LDLRAD3: variants seen among roughly 807,000 people sequenced by gnomAD.
LDLRAD3 encodes the protein low-density lipoprotein receptor class A domain-containing protein 3.
LDLRAD3 carries 20 observed loss-of-function variants against 29.4 expected under a neutral mutation model. The observed-to-expected ratio is 0.68, with a 90% CI of 0.48 to 0.99. LDLRAD3 has a LOEUF of 0.99. Ranked by LOEUF, LDLRAD3 falls within the 50% of genes least tolerant of loss-of-function variation. The pLI, the probability that LDLRAD3 is intolerant of heterozygous loss-of-function variation, is 0.00. For missense variants in LDLRAD3, 420 were observed against 454.3 expected (o/e 0.92, Z 0.69); for synonymous variants, 157 against 192.7 (o/e 0.81, Z 1.53).
At chr11:36,107,128 G>A (rs946727315) in intron 4 of LDLRAD3, among the ~76,000 whole-genome samples, 7 of 152,138 alleles carry the variant, frequency 4.6e-5, no homozygotes, top group African/African-American at 1.7e-4. Context: ...ATTTTAAGAT[G>A]TGTCTGCTAC....
chr11:36,061,207 C>T (rs948628530), intron 2 of LDLRAD3, among the ~76,000 whole-genome samples: 9 of 152,140 alleles, frequency 5.9e-5, no homozygotes, highest in African/African-American at 1.9e-4. Context: ...GGTGCAATCT[C>T]GGCTCACTGC....
At chr11:36,049,790 G>C (rs1852502888) in intron 2 of LDLRAD3, among the ~76,000 whole-genome samples, 1 of 152,154 alleles carries the variant, frequency 6.6e-6, no homozygotes, top group Non-Finnish European at 1.5e-5. Context: ...CCCTGAAAAG[G>C]CATCACTTGC....
At chr11:36,137,112 T>C (rs933844640) in intron 4 of LDLRAD3, among the ~76,000 whole-genome samples, 5 of 152,176 alleles carry the variant, frequency 3.3e-5, no homozygotes, top group African/African-American at 9.7e-5. Flanking sequence ...GAATTCAGCA[T>C]AGATATTAGG....
intron 1 of LDLRAD3, among the ~76,000 whole-genome samples, chr11:35,960,839 C>T (rs188639219): frequency 6.6e-6 from 1 of 152,332 alleles, no homozygotes; most frequent in Non-Finnish European, 1.5e-5. Flanking sequence ...TCATGATCCG[C>T]CCGCCTCGCC....
At chr11:36,131,159 T>A (rs966033874) in intron 4 of LDLRAD3, among the ~76,000 whole-genome samples, 1 of 152,254 alleles carries the variant, frequency 6.6e-6, no homozygotes, top group Non-Finnish European at 1.5e-5. Context: ...GTAAGGCTCA[T>A]GCCTTGAGAG....
intron 3 of LDLRAD3, among the ~76,000 whole-genome samples, chr11:36,090,929 A>G (rs891819816): frequency 2.0e-5 from 3 of 152,160 alleles, no homozygotes; most frequent in Admixed American, 6.5e-5. Context: ...GGAGGAACTG[A>G]CAGGTGTCAA....
chr11:36,121,084 C>T (rs754615337), intron 4 of LDLRAD3, among the ~76,000 whole-genome samples: 2 of 152,194 alleles, frequency 1.3e-5, no homozygotes, highest in African/African-American at 2.4e-5. Flanking sequence ...CTCTCTAGTT[C>T]ACTATTCTGT....
At chr11:35,974,690 A>C (rs1008793443) in intron 1 of LDLRAD3, among the ~76,000 whole-genome samples, 1 of 152,216 alleles carries the variant, frequency 6.6e-6, no homozygotes, top group Non-Finnish European at 1.5e-5. Flanking sequence ...TGGGTCCTCC[A>C]TACAGTCTCT....
chr11:36,191,767 A>G (rs1426926645), intron 4 of LDLRAD3, among the ~76,000 whole-genome samples: 1 of 151,810 alleles, frequency 6.6e-6, no homozygotes, highest in East Asian at 1.9e-4. Flanking sequence ...GGAGGGGGAA[A>G]CTTTTGTTTT....
intron 4 of LDLRAD3, among the ~76,000 whole-genome samples, chr11:36,101,344 A>G (rs1853444123): frequency 6.6e-6 from 1 of 152,168 alleles, no homozygotes; most frequent in Non-Finnish European, 1.5e-5. Context: ...CTCTGTACAT[A>G]GTGGATTTGC....
intron 1 of LDLRAD3, among the ~76,000 whole-genome samples, chr11:35,986,571 T>A (rs971837003): frequency 9.2e-5 from 14 of 152,196 alleles, no homozygotes; most frequent in Admixed American, 8.5e-4. Flanking sequence ...CCCCTGCAGA[T>A]TGGATGGCAG....
intron 2 of LDLRAD3, among the ~76,000 whole-genome samples, chr11:36,058,494 G>A (rs1465334571): frequency 4.6e-5 from 7 of 152,186 alleles, no homozygotes; most frequent in Non-Finnish European, 1.0e-4. Context: ...TGGACTGTTT[G>A]AATGAATGAA....
At chr11:36,109,197 G>C (rs182482964) in intron 4 of LDLRAD3, among the ~76,000 whole-genome samples, 156 of 152,322 alleles carry the variant, frequency 1.0e-3, no homozygotes, top group African/African-American at 3.7e-3. Context: ...AACCGGAGTG[G>C]AGTTTGGTCA....
intron 4 of LDLRAD3, among the ~76,000 whole-genome samples, chr11:36,122,710 G>A (rs1590285526): frequency 6.6e-6 from 1 of 152,078 alleles, no homozygotes; most frequent in African/African-American, 2.4e-5. Flanking sequence ...CTAACTGCTT[G>A]CTTCCTTTTC....
intron 2 of LDLRAD3, among the ~76,000 whole-genome samples, chr11:36,079,076 G>C (rs1853067865): frequency 6.6e-6 from 1 of 152,186 alleles, no homozygotes; most frequent in Non-Finnish European, 1.5e-5. Context: ...GGGCACAGGG[G>C]ACCTACTGCC....
intron 1 of LDLRAD3, among the ~76,000 whole-genome samples, chr11:36,020,084 G>A (rs546573480): frequency 6.6e-6 from 1 of 152,140 alleles, no homozygotes; most frequent in Admixed American, 6.5e-5. Context: ...CTTGTGCCCC[G>A]GAGTTCTGGA....
At chr11:35,949,494 A>G (rs1399485488) in intron 1 of LDLRAD3, among the ~76,000 whole-genome samples, 1 of 152,132 alleles carries the variant, frequency 6.6e-6, no homozygotes, top group Non-Finnish European at 1.5e-5. Context: ...TTCCCTCCCC[A>G]TAATTCCTTC....
At chr11:36,054,840 A>C (rs111210683) in intron 2 of LDLRAD3, among the ~76,000 whole-genome samples, 2 of 133,802 alleles carry the variant, frequency 1.5e-5, no homozygotes, top group Non-Finnish European at 3.2e-5. Flanking sequence ...TGGATGGATG[A>C]ATGGATGGAT....
At chr11:35,968,232 G>A in intron 1 of LDLRAD3, 5 of 406,520 alleles carry the variant, frequency 1.2e-5, no homozygotes, top group South Asian at 9.7e-5. Flanking sequence ...GGACTTTGGG[G>A]TGAAGGGATT....
Sources: gnomAD v4.1 joint callset for allele counts (sites outside exome capture counted in the v4.1 genomes callset) on GRCh38, gnomAD v4.1.1 for gene constraint, MANE v1.5 for transcripts, NCBI Gene and HGNC (gene_info 2026-07-23, HGNC 2026-07-21) for gene names.